TPCN2: variants seen among roughly 807,000 people sequenced by gnomAD.
TPCN2 encodes the protein two pore segment channel 2, also known as two pore channel protein 2.
Under a neutral mutation model 111.4 loss-of-function variants are expected in TPCN2, and 92 were observed. The observed-to-expected ratio is 0.83, with a 90% confidence interval of 0.70 to 0.98. The LOEUF is 0.98. TPCN2 is among the 50% of genes least tolerant of loss of function. The pLI is 0.00. For synonymous variants in TPCN2, 405 were observed against 414.5 expected (o/e 0.98, Z 0.28); for missense variants, 995 against 980.1 (o/e 1.02, Z -0.20).
chr11:69,078,353 C>A, intron 13 of TPCN2, 129 bp from the exon 14 acceptor site: 1 of 1,183,106 alleles, frequency 8.5e-7, no homozygotes, highest in Non-Finnish European at 1.2e-6. Context: ...TTTCCTGTGG[C>A]TGGATAGATA....
chr11:69,084,695 A>G (rs952048575), intron 19 of TPCN2: 1 of 985,416 alleles, frequency 1.0e-6, no homozygotes, highest in Non-Finnish European at 1.2e-6. Flanking sequence ...CACTGGGGTG[A>G]GAAGGTGTCT....
intron 13 of TPCN2, among the ~76,000 whole-genome samples, chr11:69,073,353 AC>A (rs1855620691): frequency 6.6e-6 from 1 of 152,176 alleles, no homozygotes; most frequent in Non-Finnish European, 1.5e-5. Flanking sequence ...CTTGACACTT[AC>A]AAAGTTCCCA....
At chr11:69,052,264 C>G (rs1236745429) in intron 1 of TPCN2, among the ~76,000 whole-genome samples, 1 of 152,072 alleles carries the variant, frequency 6.6e-6, no homozygotes, top group Non-Finnish European at 1.5e-5. Flanking sequence ...GAGATTTTGT[C>G]TTCTCCCAGG....
At chr11:69,066,235 G>C (rs10896408) in intron 7 of TPCN2, among the ~76,000 whole-genome samples, 66,167 of 151,928 alleles carry the variant, frequency 0.44, 14,844 homozygotes, top group Non-Finnish European at 0.5. Context: ...ACCCAGTGCT[G>C]TGGTCCTGCC....
chr11:69,079,719 C>A, intron 16 of TPCN2, 115 bp from the exon 17 acceptor site: 1 of 976,334 alleles, frequency 1.0e-6, no homozygotes. Context: ...CTGATTTCTC[C>A]CCAAAAGCCC....
At chr11:69,084,153 A>G (rs1856168023) in intron 19 of TPCN2, 137 bp downstream of exon 19, 1 of 853,042 alleles carries the variant, frequency 1.2e-6, no homozygotes, top group Non-Finnish European at 1.9e-6. Context: ...CAGGTTCCTG[A>G]GGCCAGGGAA....
intron 13 of TPCN2, among the ~76,000 whole-genome samples, chr11:69,077,253 G>A (rs374987133): frequency 0.048 from 2,024 of 41,818 alleles, 18 homozygotes; most frequent in Middle Eastern, 0.095. Context: ...CTCCTGCCAC[G>A]TCCCTCCACC....
rs756457907 is a variant in TPCN2 at position 69,071,952 on chromosome 11, G to A, written c.990G>A (p.Arg330=). 1 of 1,614,062 alleles carries A rather than the reference G, an allele frequency of 6.2e-7. No individual in the cohort carries two copies. Among genetic ancestry groups the A allele is most frequent in the Non-Finnish European group, 8.5e-7 (1 of 1,179,986 alleles). Residue 330 remains arginine, a synonymous_variant, in exon 11 of 25, where the codon AGG becomes AGA. Transcript: ENST00000294309. ...CTCTCCAGACCTCGCTGTTTCGGAGGCGGCTGGGAACCCGGGCTGCCTTTG... is the reference window on the plus strand; with the variant it reads ...CTCTCCAGACCTCGCTGTTTCGGAGACGGCTGGGAACCCGGGCTGCCTTTG... The part of the protein sequence containing the change: ...MKSLQTSLFR[R]RLGTRAAFEV...
intron 10 of TPCN2, 64 bp downstream of exon 10, chr11:69,071,484 T>G: frequency 6.9e-7 from 1 of 1,454,752 alleles, no homozygotes; most frequent in South Asian, 1.2e-5. Flanking sequence ...GGGTGTGGCT[T>G]GAGATGAGCA....
intron 18 of TPCN2, among the ~76,000 whole-genome samples, chr11:69,082,271 C>T (rs1047383482): frequency 3.9e-5 from 6 of 152,358 alleles, no homozygotes; most frequent in African/African-American, 1.4e-4. Context: ...ATATACAATA[C>T]AGCCAAGCAC....
At chr11:69,064,088 C>A in intron 7 of TPCN2, 121 bp downstream of exon 7, 1 of 947,154 alleles carries the variant, frequency 1.1e-6, no homozygotes, top group Non-Finnish European at 1.7e-6. Context: ...CCAGTAATAG[C>A]AGTGGCCCAT....
At chr11:69,060,870 G>T (rs180731077) in intron 5 of TPCN2, among the ~76,000 whole-genome samples, 1 of 152,326 alleles carries the variant, frequency 6.6e-6, no homozygotes, top group Admixed American at 6.5e-5. Flanking sequence ...TGGGTTCCGG[G>T]TGAGCTGGGC....
rs565376754 is a variant in TPCN2 at position 69,085,684 on chromosome 11, A to G, written c.1852A>G (p.Asn618Asp). The change falls in exon 21 of 25, where the codon AAT (asparagine) becomes GAT (aspartate). Residue 618 changes from asparagine to aspartate, a missense_variant. Transcript: ENST00000294309. ...LPGNSSLAPA[N>D]GSAPCGSFEQ... Reference sequence around the variant, plus strand: ...TGTGTTCCCCAGCCTGGCCCCTGCCAATGGCTCGGCGCCCTGTGGGAGCTT... The same window carrying G: ...TGTGTTCCCCAGCCTGGCCCCTGCCGATGGCTCGGCGCCCTGTGGGAGCTT... The G allele has an allele frequency of 1.2e-6, 2 of 1,613,412 alleles. No homozygotes were observed. Among genetic ancestry groups the G allele is most frequent in the South Asian group, 1.1e-5 (1 of 91,074 alleles).
intron 19 of TPCN2, among the ~76,000 whole-genome samples, chr11:69,084,989 A>G (rs1478294852): frequency 6.6e-6 from 1 of 152,124 alleles, no homozygotes; most frequent in Non-Finnish European, 1.5e-5. Flanking sequence ...TAGGAGCTCC[A>G]TGACCACGCC....
At chr11:69,076,237 C>T (rs1391180087) in intron 13 of TPCN2, among the ~76,000 whole-genome samples, 1 of 152,106 alleles carries the variant, frequency 6.6e-6, no homozygotes, top group Non-Finnish European at 1.5e-5. Flanking sequence ...CACTGGCTTC[C>T]CCGGGCTGCG....
At chr11:69,062,846 C>G in intron 5 of TPCN2, 38 bp from the exon 6 acceptor site, 1 of 1,584,028 alleles carries the variant, frequency 6.3e-7, no homozygotes, top group South Asian at 1.1e-5. Context: ...TAGAACTAAG[C>G]ACTTGACGTG....
rs202156575 is a variant in TPCN2 at position 69,085,257 on chromosome 11, C to T, written c.1809C>T (p.Gly603=). 83 of 1,596,748 alleles carry T rather than the reference C, an allele frequency of 5.2e-5. No individual in the cohort carries two copies. The South Asian group carries it at 5.9e-4, about 11-fold the overall frequency. Residue 603 remains glycine, a synonymous_variant, in exon 20 of 25, where the codon GGC becomes GGT. Transcript: ENST00000294309. The stretch of plus-strand genomic sequence containing the variant: ...TCATTGGGATCAACTTGTTTAGAGG[C>T]GTCATTGTGGCTCTTCCTGGAAACA... ...FAIIGINLFR[G]VIVALPGNSS...
Position 69,062,938 on chromosome 11 carries a change from A to C in TPCN2, c.601A>C (p.Met201Leu). The C allele has an allele frequency of 6.2e-7, 1 of 1,613,926 alleles. No homozygotes were observed. The highest frequency in any genetic ancestry group is 1.3e-5 in the African/African-American group (1 of 75,038). The change falls in exon 6 of 25, where the codon ATG becomes CTG. Residue 201 changes from methionine (M) to leucine (L), a missense_variant. By Grantham distance (15) the Met-to-Leu change is conservative. Coordinates refer to ENST00000294309, the MANE Select transcript of TPCN2 (RefSeq NM_139075.4). The stretch of plus-strand genomic sequence containing the variant: ...CTTCTTCCTGCTGCAGAACTCCTCT[A>C]TGATGAAGAAGACCTTGAAATGCAT... ...RPFFLLQNSSMMKKTLKCIRW... is the reference protein window; with the variant it reads ...RPFFLLQNSSLMKKTLKCIRW...
intron 8 of TPCN2, among the ~76,000 whole-genome samples, chr11:69,069,198 A>G (rs1168528663): frequency 3.0e-5 from 4 of 134,462 alleles, no homozygotes; most frequent in African/African-American, 1.2e-4. Flanking sequence ...CAAGTGACAC[A>G]GGGGGAGCAG....
Sources: gnomAD v4.1 joint callset for allele counts (sites outside exome capture counted in the v4.1 genomes callset) on GRCh38, gnomAD v4.1.1 for gene constraint, MANE v1.5 for transcripts, NCBI Gene and HGNC (gene_info 2026-07-23, HGNC 2026-07-21) for gene names.